Variants in PTCHD4 observed in about 807,000 individuals in gnomAD.
The protein encoded by PTCHD4 is patched domain-containing protein 4.
Under a neutral mutation model 58.1 loss-of-function variants are expected in PTCHD4, and 33 were observed. The ratio of observed to expected loss-of-function variants is 0.57; its 90% CI spans 0.43 to 0.76. The LOEUF (loss-of-function observed/expected upper bound fraction) is 0.76, where lower values mean the gene tolerates loss of function less well. Among genes scored for constraint, PTCHD4 ranks in the 30% least tolerant of loss-of-function variants. The pLI is 0.00. For synonymous variants in PTCHD4, 478 were observed against 409.6 expected, an observed-to-expected ratio of 1.17 and a Z score of -2.02; for missense variants, 1,058 against 1,027.1, an observed-to-expected ratio of 1.03 and a Z score of -0.41.
chr6:47,961,368 T>G (rs906150586), intron 4 of PTCHD4, among the ~76,000 whole-genome samples: 3 of 152,016 alleles, frequency 2.0e-5, no homozygotes, highest in African/African-American at 4.8e-5. Flanking sequence ...CTCGGCTTAC[T>G]GCAACCTCCA....
Position 47,866,364 on chromosome 6 carries a change from G to A in PTCHD4, c.*11939C>T, listed in dbSNP as rs1763563161. Among the ~76,000 whole-genome samples the A allele has an allele frequency of 6.6e-6, 1 of 151,884 alleles. No individual in the cohort carries two copies. The highest frequency in any genetic ancestry group is 1.5e-5 in the Non-Finnish European group (1 of 67,872). ...TATATTGATTTAAGTAGTCTGGCAT[G>A]AAGTCTGGGCATTGAGACTTTAAAC... On this transcript the variant is annotated 3_prime_UTR_variant, in exon 5 of 5. Transcript: ENST00000339488.
intron 4 of PTCHD4, among the ~76,000 whole-genome samples, chr6:47,939,741 A>G (rs1166596166): frequency 6.6e-6 from 1 of 152,038 alleles, no homozygotes. Flanking sequence ...TAAAAATGTT[A>G]AAGTGCTTAT....
At chr6:47,942,322 T>C (rs1766262994) in intron 4 of PTCHD4, among the ~76,000 whole-genome samples, 1 of 152,230 alleles carries the variant, frequency 6.6e-6, no homozygotes, top group Non-Finnish European at 1.5e-5. Context: ...TAGAACTCTT[T>C]AGTTGATGCA....
At chr6:48,063,815 GA>G (rs1431366970) in intron 3 of PTCHD4, among the ~76,000 whole-genome samples, 1 of 152,166 alleles carries the variant, frequency 6.6e-6, no homozygotes, top group Non-Finnish European at 1.5e-5. Flanking sequence ...TACGGTTTTA[GA>G]ATTAGAGAAA....
chr6:48,005,026 C>A (rs563163711), intron 4 of PTCHD4, among the ~76,000 whole-genome samples: 1 of 152,256 alleles, frequency 6.6e-6, no homozygotes, highest in Middle Eastern at 3.4e-3. Flanking sequence ...CTGAGACATA[C>A]AATTTGACAC....
At position 47,859,978 on chromosome 6, in the gene PTCHD4, G is replaced by A. The variant is rs1388889154; in HGVS notation, c.*18325C>T. 2.6e-5 allele frequency among the ~76,000 whole-genome samples: 4 copies of A among 151,868 alleles called. No homozygotes were observed. Among genetic ancestry groups the A allele is most frequent in the Non-Finnish European group, 5.9e-5 (4 of 67,926 alleles). On this transcript the variant is annotated 3_prime_UTR_variant, in exon 5 of 5. Coordinates refer to ENST00000339488, the MANE Select transcript of PTCHD4 (RefSeq NM_001384253.1). ...GGAGACAGGGGAACAGACTGGGTGGGGCTTCCCCTCTTTCGTGAATCTCCC... is the reference window on the plus strand; with the variant it reads ...GGAGACAGGGGAACAGACTGGGTGGAGCTTCCCCTCTTTCGTGAATCTCCC...
intron 4 of PTCHD4, among the ~76,000 whole-genome samples, chr6:47,998,222 C>T (rs1230369822): frequency 6.6e-6 from 1 of 152,002 alleles, no homozygotes; most frequent in Non-Finnish European, 1.5e-5. Context: ...TTGAGGATGG[C>T]TTAGATGCTG....
Position 47,999,521 on chromosome 6 carries a change from A to AT in PTCHD4, c.898+9112dup, listed in dbSNP as rs1768637477. 2.0e-5 allele frequency among the ~76,000 whole-genome samples: 3 copies of AT among 152,284 alleles called. No homozygotes were observed. In the South Asian group the frequency reaches 6.2e-4, roughly 32 times the overall value. On this transcript the variant is annotated intron_variant, in intron 4 of 4. Transcript: ENST00000339488. ...TGGCAACATATTAGAGACATTTCTA[A>AT]TACTGTAAAGTAATCATTATAAAGA...
chr6:48,097,761 GT>G, intron 1 of PTCHD4, among the ~76,000 whole-genome samples: 1 of 152,262 alleles, frequency 6.6e-6, no homozygotes, highest in Non-Finnish European at 1.5e-5. Context: ...ATATAGTACA[GT>G]TTAGGTTTGC....
In PTCHD4 at chr6:47,868,382, G is replaced by C. The variant is rs1763627670; in HGVS notation, c.*9921C>G. On this transcript the variant is annotated 3_prime_UTR_variant, in exon 5 of 5. Transcript: ENST00000339488. ...TATTATTGTGTAACTGGCTATATAG[G>C]AAAATTCAAGAAAATGAAACAAAAC... Among the ~76,000 whole-genome samples the C allele has an allele frequency of 6.6e-6, 1 of 151,568 alleles. No homozygotes were observed. Among genetic ancestry groups the C allele is most frequent in the African/African-American group, 2.4e-5 (1 of 41,342 alleles).
intron 4 of PTCHD4, among the ~76,000 whole-genome samples, chr6:47,983,977 G>T (rs572219972): frequency 4.6e-5 from 7 of 152,054 alleles, no homozygotes; most frequent in Non-Finnish European, 1.0e-4. Flanking sequence ...TTGTAATACA[G>T]TATATTTAAA....
intron 3 of PTCHD4, among the ~76,000 whole-genome samples, chr6:48,012,833 T>C (rs1200833515): frequency 6.6e-6 from 1 of 151,528 alleles, no homozygotes; most frequent in Admixed American, 6.6e-5. Context: ...GAGATAATCA[T>C]GTGGTTTTTG....
At chr6:47,934,910 T>C (rs1001793241) in intron 4 of PTCHD4, among the ~76,000 whole-genome samples, 5 of 152,178 alleles carry the variant, frequency 3.3e-5, no homozygotes, top group Non-Finnish European at 5.9e-5. Context: ...AACTTATATA[T>C]TGGATGTGCA....
chr6:47,910,926 A>G (rs1342798863), intron 4 of PTCHD4, among the ~76,000 whole-genome samples: 3 of 152,152 alleles, frequency 2.0e-5, no homozygotes, highest in African/African-American at 7.2e-5. Flanking sequence ...CACCAGACAT[A>G]CAGGAGAGAA....
chr6:47,905,097 A>C (rs373254711), intron 4 of PTCHD4, among the ~76,000 whole-genome samples: 17 of 151,836 alleles, frequency 1.1e-4, no homozygotes, highest in African/African-American at 3.1e-4. Flanking sequence ...AAATGAATGG[A>C]TAGACTTTTG....
chr6:48,094,185 G>A (rs1207586368), intron 1 of PTCHD4, among the ~76,000 whole-genome samples: 1 of 152,172 alleles, frequency 6.6e-6, no homozygotes, highest in Non-Finnish European at 1.5e-5. Context: ...TATTCTACCA[G>A]TAGCATCCTA....
intron 3 of PTCHD4, among the ~76,000 whole-genome samples, chr6:48,049,529 G>A (rs1414888398): frequency 6.6e-6 from 1 of 151,816 alleles, no homozygotes; most frequent in African/African-American, 2.4e-5. Flanking sequence ...TTCTTCTTTT[G>A]TGCAAAGTGT....
At chr6:47,886,962 C>T (rs1240817873) in intron 4 of PTCHD4, among the ~76,000 whole-genome samples, 1 of 152,178 alleles carries the variant, frequency 6.6e-6, no homozygotes, top group African/African-American at 2.4e-5. Context: ...TGAGATTGCC[C>T]GTTGGTGGGC....
chr6:47,988,542 C>G (rs948349306), intron 4 of PTCHD4, among the ~76,000 whole-genome samples: 3 of 152,144 alleles, frequency 2.0e-5, no homozygotes, highest in Non-Finnish European at 4.4e-5. Context: ...CAATAGTACT[C>G]CCATAATTCC....
Sources: allele counts gnomAD v4.1 joint callset (sites outside exome capture counted in the v4.1 genomes callset), GRCh38; gene constraint gnomAD v4.1.1; transcripts MANE v1.5; gene names NCBI Gene and HGNC (gene_info 2026-07-23, HGNC 2026-07-21).